The following SCFD2 variants were observed in gnomAD, a reference collection of about 807,000 sequenced individuals.
SCFD2 encodes the protein sec1 family domain containing 2.
Under a neutral mutation model 58.9 loss-of-function variants are expected in SCFD2, and 54 were observed. The ratio of observed to expected loss-of-function variants is 0.92; its 90% confidence interval spans 0.74 to 1.15. The LOEUF (loss-of-function observed/expected upper bound fraction) is 1.15. Ranked by LOEUF, SCFD2 falls within the 50% of genes most tolerant of loss-of-function variation. The pLI, the probability that SCFD2 is intolerant of heterozygous loss-of-function variation, is 0.00. For missense variants in SCFD2, 805 were observed against 836.6 expected (o/e 0.96, Z 0.47); for synonymous variants, 321 against 335.9 (o/e 0.96, Z 0.49).
At chr4:53,099,730 G>A (rs1724776454) in intron 5 of SCFD2, among the ~76,000 whole-genome samples, 1 of 152,174 alleles carries the variant, frequency 6.6e-6, no homozygotes, top group Non-Finnish European at 1.5e-5. Flanking sequence ...CTTAGGGAGG[G>A]CATTAGTCTT....
At chr4:53,102,537 AAGG>A (rs531800908) in intron 5 of SCFD2, among the ~76,000 whole-genome samples, 49 of 152,220 alleles carry the variant, frequency 3.2e-4, no homozygotes, top group African/African-American at 1.2e-3. Flanking sequence ...AAGTTGATGA[AAGG>A]AGATCAAAAG....
chr4:53,330,822 C>T (rs970445725), intron 2 of SCFD2, among the ~76,000 whole-genome samples: 36 of 152,044 alleles, frequency 2.4e-4, no homozygotes, highest in African/African-American at 8.2e-4. Flanking sequence ...AGAGTCAAGA[C>T]CCATCAGTGT....
chr4:52,966,727 T>A (rs752166749), intron 5 of SCFD2, among the ~76,000 whole-genome samples: 43 of 152,230 alleles, frequency 2.8e-4, no homozygotes, highest in South Asian at 6.2e-4. Context: ...ATCGACATCT[T>A]ACATAAGTCT....
chr4:53,309,237 T>TA (rs1732612641), intron 3 of SCFD2, among the ~76,000 whole-genome samples: 1 of 152,146 alleles, frequency 6.6e-6, no homozygotes, highest in Non-Finnish European at 1.5e-5. Context: ...GGAGGAATGT[T>TA]AACAAACTAG....
chr4:52,969,481 T>A (rs1721042329), intron 5 of SCFD2, among the ~76,000 whole-genome samples: 1 of 152,172 alleles, frequency 6.6e-6, no homozygotes. Context: ...ACATTCCATC[T>A]CTTGTTCTTC....
rs552983986 is a variant in SCFD2 at position 53,303,954 on chromosome 4, G to A, written c.1135+9682C>T. Among the ~76,000 whole-genome samples the A allele has an allele frequency of 5.4e-5, 7 of 130,468 alleles. No individual in the cohort carries two copies. In the South Asian group the frequency reaches 1.1e-3, roughly 21 times the overall value. The allele number at this position is 130,468 out of a possible 152,430, so 85.6% of individuals were successfully genotyped here. A position where few individuals can be genotyped will look rare whatever the true frequency, so the allele number is the denominator to read the frequency against. ...ACATCACACACTGGGGACTGTTGTC[G>A]GGTGGGGGGAGGGGGGAGGGATAGC... On this transcript the variant is annotated intron_variant, in intron 3 of 8. Coordinates refer to ENST00000401642, the MANE Select transcript of SCFD2 (RefSeq NM_152540.4).
chr4:53,271,873 A>C (rs1190758711), intron 4 of SCFD2, among the ~76,000 whole-genome samples: 1 of 152,192 alleles, frequency 6.6e-6, no homozygotes, highest in Non-Finnish European at 1.5e-5. Context: ...TAAACTAAAG[A>C]GCTTCTGCAC....
chr4:53,334,036 C>T (rs1197964255), intron 2 of SCFD2, among the ~76,000 whole-genome samples: 8 of 151,924 alleles, frequency 5.3e-5, no homozygotes, highest in Non-Finnish European at 8.8e-5. Flanking sequence ...AAATGCAAAT[C>T]AAAACCACAA....
At chr4:53,207,082 C>T (rs913297446) in intron 4 of SCFD2, among the ~76,000 whole-genome samples, 2 of 151,838 alleles carry the variant, frequency 1.3e-5, no homozygotes, top group African/African-American at 2.4e-5. Flanking sequence ...AGAGAGGTAC[C>T]AGGGCCAGAC....
chr4:53,254,999 AGC>A (rs911688231), intron 4 of SCFD2, among the ~76,000 whole-genome samples: 69 of 150,334 alleles, frequency 4.6e-4, no homozygotes, highest in African/African-American at 1.6e-3. Context: ...CAGCCTCCCC[AGC>A]AGCTGGGACT....
chr4:53,218,058 C>G (rs1728913568), intron 4 of SCFD2, among the ~76,000 whole-genome samples: 1 of 152,188 alleles, frequency 6.6e-6, no homozygotes, highest in South Asian at 2.1e-4. Flanking sequence ...CGACCTTTCT[C>G]TCTGGCTGCC....
At chr4:53,346,020 A>G (rs1734046108) in intron 2 of SCFD2, among the ~76,000 whole-genome samples, 1 of 152,204 alleles carries the variant, frequency 6.6e-6, no homozygotes, top group African/African-American at 2.4e-5. Context: ...TGATGGGTGC[A>G]GCAAACCAAC....
At chr4:53,018,698 C>G (rs1722274284) in intron 5 of SCFD2, among the ~76,000 whole-genome samples, 1 of 152,124 alleles carries the variant, frequency 6.6e-6, no homozygotes, top group Admixed American at 6.6e-5. Flanking sequence ...ACCCTGAAGA[C>G]CAAACACAAC....
intron 5 of SCFD2, among the ~76,000 whole-genome samples, chr4:53,116,351 T>G (rs1363862255): frequency 6.6e-6 from 1 of 152,190 alleles, no homozygotes; most frequent in Non-Finnish European, 1.5e-5. Context: ...CACCCCATCT[T>G]GATACATGCT....
At chr4:53,327,059 G>C (rs1733222823) in intron 2 of SCFD2, among the ~76,000 whole-genome samples, 1 of 151,838 alleles carries the variant, frequency 6.6e-6, no homozygotes, top group Admixed American at 6.6e-5. Flanking sequence ...GTCATTAGTT[G>C]GTGCCTAGAA....
chr4:53,246,578 C>A (rs1239011209), intron 4 of SCFD2, among the ~76,000 whole-genome samples: 2 of 152,016 alleles, frequency 1.3e-5, no homozygotes, highest in Non-Finnish European at 2.9e-5. Context: ...ACAAAGCTGA[C>A]ATAAATAAGC....
chr4:53,250,448 C>G (rs9684264), intron 4 of SCFD2, among the ~76,000 whole-genome samples: 1 of 151,920 alleles, frequency 6.6e-6, no homozygotes, highest in Non-Finnish European at 1.5e-5. Flanking sequence ...GCACCAAGCA[C>G]ACCTAATAGA....
At chr4:53,083,937 A>G (rs1158478020) in intron 5 of SCFD2, among the ~76,000 whole-genome samples, 1 of 152,204 alleles carries the variant, frequency 6.6e-6, no homozygotes. Flanking sequence ...AAGCAGAACC[A>G]CTGATAAGGA....
intron 1 of SCFD2, among the ~76,000 whole-genome samples, chr4:53,354,830 G>A (rs1227164553): frequency 7.4e-6 from 1 of 135,186 alleles, no homozygotes; most frequent in African/African-American, 2.6e-5. Context: ...GTCTCACTCT[G>A]TTGCCCAAGC....
Sources: allele counts gnomAD v4.1 joint callset (sites outside exome capture counted in the v4.1 genomes callset), GRCh38; gene constraint gnomAD v4.1.1; transcripts MANE v1.5; gene names NCBI Gene and HGNC (gene_info 2026-07-23, HGNC 2026-07-21).